SH3GL2: variants seen among roughly 807,000 people sequenced by gnomAD.
The protein encoded by SH3GL2 is SH3 domain containing GRB2 like 2, endophilin A1, also known as endophilin-A1.
SH3GL2 carries 24 observed loss-of-function variants against 46.0 expected under a neutral mutation model. That is an observed-to-expected ratio of 0.52 (90% CI 0.38 to 0.73). The LOEUF (loss-of-function observed/expected upper bound fraction) is 0.73. SH3GL2 is among the 30% of genes least tolerant of loss of function. SH3GL2 has a pLI of 0.00. For synonymous variants in SH3GL2, 196 were observed against 147.1 expected (o/e 1.33, Z -2.40); for missense variants, 413 against 424.2 (o/e 0.97, Z 0.23).
chr9:17,623,381 C>T (rs1481350602), intron 1 of SH3GL2, among the ~76,000 whole-genome samples: 1 of 151,956 alleles, frequency 6.6e-6, no homozygotes, highest in East Asian at 1.9e-4. Context: ...GTATGTAGTT[C>T]AAATGGAATT....
At chr9:17,784,997 G>A (rs1823912833) in intron 3 of SH3GL2, among the ~76,000 whole-genome samples, 1 of 152,174 alleles carries the variant, frequency 6.6e-6, no homozygotes, top group African/African-American at 2.4e-5. Flanking sequence ...ATAGGCATAA[G>A]CCACCACACT....
chr9:17,732,916 G>T (rs946354288), intron 1 of SH3GL2, among the ~76,000 whole-genome samples: 2 of 152,014 alleles, frequency 1.3e-5, no homozygotes, highest in Non-Finnish European at 2.9e-5. Flanking sequence ...AGTTTGAGTG[G>T]GTTTGGAATC....
chr9:17,720,345 C>T (rs1821863466), intron 1 of SH3GL2, among the ~76,000 whole-genome samples: 1 of 152,060 alleles, frequency 6.6e-6, no homozygotes, highest in African/African-American at 2.4e-5. Context: ...TTCGACTGAG[C>T]AAAGAATGAT....
At chr9:17,626,021 C>G (rs1411553427) in intron 1 of SH3GL2, among the ~76,000 whole-genome samples, 1 of 152,186 alleles carries the variant, frequency 6.6e-6, no homozygotes, top group Non-Finnish European at 1.5e-5. Flanking sequence ...TTCAGTCTTC[C>G]CCATCTCATC....
At chr9:17,615,894 G>A (rs749472951) in intron 1 of SH3GL2, among the ~76,000 whole-genome samples, 2 of 152,062 alleles carry the variant, frequency 1.3e-5, no homozygotes, top group African/African-American at 2.4e-5. Flanking sequence ...AGCTTAAAAT[G>A]TTTTTGCTCC....
At chr9:17,643,150 A>G (rs1014982504) in intron 1 of SH3GL2, among the ~76,000 whole-genome samples, 5 of 152,124 alleles carry the variant, frequency 3.3e-5, no homozygotes, top group African/African-American at 7.2e-5. Flanking sequence ...CTTTGTAGCA[A>G]TTGTGAATGG....
intron 2 of SH3GL2, among the ~76,000 whole-genome samples, chr9:17,752,069 T>A (rs1467785486): frequency 6.6e-6 from 1 of 152,230 alleles, no homozygotes; most frequent in African/African-American, 2.4e-5. Flanking sequence ...TCTAATAACC[T>A]TGTTTATTTT....
chr9:17,759,147 A>G (rs1588308491), intron 2 of SH3GL2, among the ~76,000 whole-genome samples: 1 of 152,268 alleles, frequency 6.6e-6, no homozygotes, highest in East Asian at 1.9e-4. Context: ...CCTGTGGGCC[A>G]GGTGGGATAG....
intron 1 of SH3GL2, among the ~76,000 whole-genome samples, chr9:17,593,512 T>C (rs1241547408): frequency 2.6e-5 from 4 of 152,158 alleles, no homozygotes; most frequent in Non-Finnish European, 5.9e-5. Context: ...ATATATATAA[T>C]AGGAGAAACT....
At chr9:17,673,042 C>A (rs534042258) in intron 1 of SH3GL2, among the ~76,000 whole-genome samples, 1 of 152,200 alleles carries the variant, frequency 6.6e-6, no homozygotes, top group South Asian at 2.1e-4. Context: ...GCCCTGTTAC[C>A]CTTACACGTG....
chr9:17,713,170 GATGTT>G (rs574875094), intron 1 of SH3GL2, among the ~76,000 whole-genome samples: 277 of 151,216 alleles, frequency 1.8e-3, no homozygotes, highest in African/African-American at 6.4e-3. Context: ...TGTGTTGATT[GATGTT>G]TTGAGTGTTA....
intron 1 of SH3GL2, among the ~76,000 whole-genome samples, chr9:17,607,292 T>C (rs1353309618): frequency 6.6e-6 from 1 of 152,240 alleles, no homozygotes; most frequent in Non-Finnish European, 1.5e-5. Context: ...TACTGAATGT[T>C]GTAGGTAATT....
intron 1 of SH3GL2, among the ~76,000 whole-genome samples, chr9:17,723,325 C>T (rs1413928522): frequency 2.6e-5 from 4 of 152,044 alleles, no homozygotes; most frequent in Non-Finnish European, 5.9e-5. Context: ...TGAATAAGTT[C>T]TCTGGTTGTT....
At chr9:17,631,569 T>C (rs1819426089) in intron 1 of SH3GL2, among the ~76,000 whole-genome samples, 1 of 152,190 alleles carries the variant, frequency 6.6e-6, no homozygotes, top group African/African-American at 2.4e-5. Context: ...AAGCCCATCA[T>C]ACTGGATGTT....
intron 1 of SH3GL2, among the ~76,000 whole-genome samples, chr9:17,717,651 A>G (rs1821795277): frequency 6.6e-6 from 1 of 152,078 alleles, no homozygotes. Flanking sequence ...AAAGCGGGGG[A>G]AGAGAAGTTA....
At chr9:17,671,619 T>G (rs947516057) in intron 1 of SH3GL2, among the ~76,000 whole-genome samples, 1 of 152,118 alleles carries the variant, frequency 6.6e-6, no homozygotes, top group African/African-American at 2.4e-5. Context: ...CCATCTATTA[T>G]GTACCTACAA....
At chr9:17,638,142 G>A (rs1449377144) in intron 1 of SH3GL2, among the ~76,000 whole-genome samples, 1 of 148,494 alleles carries the variant, frequency 6.7e-6, no homozygotes, top group Non-Finnish European at 1.5e-5. Context: ...GGGCGACAGA[G>A]CGAGACTCCC....
At chr9:17,743,122 C>G (rs1822576907) in intron 1 of SH3GL2, among the ~76,000 whole-genome samples, 1 of 152,118 alleles carries the variant, frequency 6.6e-6, no homozygotes, top group South Asian at 2.1e-4. Context: ...GCCTGTGTTC[C>G]TCACCTTGAT....
chr9:17,625,072 C>G (rs1043110248), intron 1 of SH3GL2, among the ~76,000 whole-genome samples: 2 of 152,130 alleles, frequency 1.3e-5, no homozygotes, highest in Admixed American at 6.5e-5. Context: ...TCTGGCCATA[C>G]TTTTTTTGGG....
Sources: gnomAD v4.1 joint callset for allele counts (sites outside exome capture counted in the v4.1 genomes callset) on GRCh38, gnomAD v4.1.1 for gene constraint, MANE v1.5 for transcripts, NCBI Gene and HGNC (gene_info 2026-07-23, HGNC 2026-07-21) for gene names.